The following ARHGAP28 variants were observed in gnomAD, a reference collection of about 807,000 sequenced individuals.
ARHGAP28 encodes Rho GTPase activating protein 28.
In ARHGAP28, 56 loss-of-function variants were observed where a neutral mutation model predicts 90.7. The ratio of observed to expected loss-of-function variants is 0.62; its 90% CI spans 0.50 to 0.77. The LOEUF (loss-of-function observed/expected upper bound fraction) is 0.77. Ranked by LOEUF, ARHGAP28 falls within the 30% of genes least tolerant of loss-of-function variation. The pLI is 0.00. For synonymous variants in ARHGAP28, 308 were observed against 323.3 expected (o/e 0.95, Z 0.51); for missense variants, 869 against 900.9 (o/e 0.96, Z 0.45).
chr18:6,832,437 C>T (rs1486489029), intron 2 of ARHGAP28, among the ~76,000 whole-genome samples: 1 of 151,982 alleles, frequency 6.6e-6, no homozygotes, highest in African/African-American at 2.4e-5. Flanking sequence ...TAACTTTAAT[C>T]ACATTTATTA....
chr18:6,886,059 C>G (rs888629439), intron 11 of ARHGAP28, among the ~76,000 whole-genome samples: 8 of 152,168 alleles, frequency 5.3e-5, no homozygotes, highest in Non-Finnish European at 1.0e-4. Context: ...GATCCTCCCT[C>G]TCTCCCCATA....
chr18:6,783,584 AGCCACCATGACCG>A (rs534402934), intron 1 of ARHGAP28, among the ~76,000 whole-genome samples: 6 of 152,136 alleles, frequency 3.9e-5, no homozygotes, highest in Admixed American at 3.9e-4. Context: ...TACAGGCGTG[AGCCACCATGACCG>A]GCCTGGGTAT....
chr18:6,847,941 G>A (rs113511656), intron 3 of ARHGAP28, among the ~76,000 whole-genome samples: 3 of 152,112 alleles, frequency 2.0e-5, no homozygotes, highest in South Asian at 2.1e-4. Context: ...GGGAGGTAAT[G>A]TAGGACAAGA....
rs1943332743 is a variant in ARHGAP28, at chr18:6,913,867, A to G, written c.*1713A>G. 6.6e-6 allele frequency: 1 copy of G among 151,844 alleles called. No homozygotes were observed. The highest frequency in any genetic ancestry group is 2.4e-5 in the African/African-American group (1 of 41,188). 9.4% of individuals were successfully genotyped at this position (151,844 alleles called of 1,614,324 possible). A position where few individuals can be genotyped will look rare whatever the true frequency, so the allele number is the denominator to read the frequency against. ...ATGACTTTACATAATGACTTTCTAG[A>G]CTCTGAAAAAAATGCTTTTATCATT... is the stretch of plus-strand genomic sequence containing the variant. On this transcript the variant is annotated 3_prime_UTR_variant, in exon 18 of 18. Coordinates refer to ENST00000383472, the MANE Select transcript of ARHGAP28 (RefSeq NM_001366230.1).
chr18:6,892,421 G>A (rs999768771), intron 14 of ARHGAP28, among the ~76,000 whole-genome samples: 7 of 152,122 alleles, frequency 4.6e-5, no homozygotes, highest in African/African-American at 1.7e-4. Context: ...CAAAGTGCTG[G>A]GATGACAGGA....
At chr18:6,863,319 A>G (rs2057012656) in intron 5 of ARHGAP28, among the ~76,000 whole-genome samples, 1 of 152,004 alleles carries the variant, frequency 6.6e-6, no homozygotes, top group African/African-American at 2.4e-5. Flanking sequence ...ATTTTCCAAC[A>G]TCTGTTAAGA....
chr18:6,805,646 C>T (rs892261988), intron 1 of ARHGAP28, among the ~76,000 whole-genome samples: 70 of 151,490 alleles, frequency 4.6e-4, no homozygotes, highest in African/African-American at 1.2e-3. Context: ...CCACCACGCC[C>T]GGCTAATTTT....
rs1395364510 is a variant in ARHGAP28, at chr18:6,889,774, C to T, written c.1537-114C>T. On this transcript the variant is annotated intron_variant, in intron 12 of 17. Transcript: ENST00000383472. ...GGGAAACATGGTACGTTTAACCATT[C>T]TATACTTCTGACAGTTCTCTGGCAG... 4.1e-6 allele frequency: 4 copies of T among 973,134 alleles called. No individual in the cohort carries two copies. In the East Asian group the frequency reaches 9.9e-5, roughly 24 times the overall value. 60.3% of individuals were successfully genotyped at this position (973,134 alleles called of 1,614,324 possible).
rs186887574 is a variant in ARHGAP28, at chr18:6,771,987, C to T, written c.122+42044C>T. ...ACATTCTATGCATGTAACAAAATAT[C>T]ACATATACCCCATAAATATGTAAAA... On this transcript the variant is annotated intron_variant, in intron 1 of 17. Coordinates refer to ENST00000383472, the MANE Select transcript of ARHGAP28 (RefSeq NM_001366230.1). Among the ~76,000 whole-genome samples, 4 of 152,240 alleles carry T rather than the reference C, an allele frequency of 2.6e-5. No homozygotes were observed. The East Asian group carries it at 7.7e-4, about 29-fold the overall frequency.
At chr18:6,907,766 A>G (rs1426610756) in intron 16 of ARHGAP28, among the ~76,000 whole-genome samples, 1 of 152,168 alleles carries the variant, frequency 6.6e-6, no homozygotes, top group African/African-American at 2.4e-5. Flanking sequence ...TCTGGTCATG[A>G]TACTGCACTA....
chr18:6,793,925 G>GAAC (rs2056423646), intron 1 of ARHGAP28, among the ~76,000 whole-genome samples: 8 of 152,120 alleles, frequency 5.3e-5, no homozygotes, highest in Middle Eastern at 3.4e-3. Context: ...GGAGAGAGAG[G>GAAC]TTATACTTTG....
At chr18:6,798,161 A>G (rs1351519733) in intron 1 of ARHGAP28, among the ~76,000 whole-genome samples, 1 of 152,230 alleles carries the variant, frequency 6.6e-6, no homozygotes, top group Non-Finnish European at 1.5e-5. Context: ...ATCTACATAT[A>G]ATCAGAGAAG....
chr18:6,753,575 T>C (rs920006288), intron 1 of ARHGAP28, among the ~76,000 whole-genome samples: 3 of 152,234 alleles, frequency 2.0e-5, no homozygotes, highest in Non-Finnish European at 4.4e-5. Context: ...TAACCTCACA[T>C]AGTGTGAAAT....
At chr18:6,761,349 G>A (rs891382323) in intron 1 of ARHGAP28, among the ~76,000 whole-genome samples, 1 of 152,176 alleles carries the variant, frequency 6.6e-6, no homozygotes, top group Admixed American at 6.5e-5. Flanking sequence ...TTAAAGGCAT[G>A]TGCATTAGTA....
chr18:6,758,207 A>G (rs2056128113), intron 1 of ARHGAP28, among the ~76,000 whole-genome samples: 2 of 152,246 alleles, frequency 1.3e-5, no homozygotes, highest in African/African-American at 2.4e-5. Context: ...CAAACATACT[A>G]TAATAAAACC....
intron 2 of ARHGAP28, 34 bp from the exon 3 acceptor site, chr18:6,837,163 A>G: frequency 6.7e-7 from 1 of 1,485,782 alleles, no homozygotes; most frequent in Non-Finnish European, 9.1e-7. Context: ...TACAGAAAAT[A>G]TTCTAACCCT....
At chr18:6,888,625 TA>T (rs1024402616) in intron 12 of ARHGAP28, among the ~76,000 whole-genome samples, 1 of 152,206 alleles carries the variant, frequency 6.6e-6, no homozygotes, top group African/African-American at 2.4e-5. Flanking sequence ...TCGCTTTGTC[TA>T]CAGAGTGTTC....
chr18:6,831,510 C>CT (rs2056716589), intron 2 of ARHGAP28, among the ~76,000 whole-genome samples: 2 of 88,314 alleles, frequency 2.3e-5, no homozygotes, highest in East Asian at 3.7e-4. Context: ...TTATTATACT[C>CT]TAAGTTTTAG....
At position 6,837,303 on chromosome 18, in the gene ARHGAP28, C is replaced by G. The variant is rs61753620; in HGVS notation, c.432C>G (p.Thr144=). 1.2e-3 allele frequency: 1,891 copies of G among 1,613,078 alleles called. 10 individuals are homozygous for G. The highest frequency in any genetic ancestry group is 7.9e-4 in the South Asian group (72 of 91,010). The change falls in exon 3 of 18, where the codon ACC becomes ACG. Residue 144 remains threonine (T), a synonymous_variant. Coordinates refer to ENST00000383472, the MANE Select transcript of ARHGAP28 (RefSeq NM_001366230.1). ...CCTTGCTCTCCACATTGACTCGAAC[C>G]CAAGCAGCTGCCGTGCAAAAGAGAT... is the stretch of plus-strand genomic sequence containing the variant. ...GKALLSTLTR[T]QAAAVQKRYH... is the part of the protein sequence containing the mutation.
Sources: allele counts gnomAD v4.1 joint callset (sites outside exome capture counted in the v4.1 genomes callset), GRCh38; gene constraint gnomAD v4.1.1; transcripts MANE v1.5; gene names NCBI Gene and HGNC (gene_info 2026-07-23, HGNC 2026-07-21).